The following SYNJ1 variants were observed in gnomAD, a reference collection of about 807,000 sequenced individuals.
The protein encoded by SYNJ1 is synaptojanin 1.
A neutral mutation model predicts 168.2 loss-of-function variants in SYNJ1; 78 were observed. The observed-to-expected ratio is 0.46, with a 90% CI of 0.39 to 0.56. The LOEUF (loss-of-function observed/expected upper bound fraction) is 0.56, where lower values mean the gene tolerates loss of function less well. Among genes scored for constraint, SYNJ1 ranks in the 20% least tolerant of loss-of-function variants. SYNJ1 has a pLI of 0.00. For missense variants in SYNJ1, 1,303 were observed against 1,597.6 expected (o/e 0.82, Z 3.14); for synonymous variants, 539 against 548.6 (o/e 0.98, Z 0.24).
chr21:32,667,553 T>C (rs1255720071), intron 15 of SYNJ1, among the ~76,000 whole-genome samples: 1 of 152,140 alleles, frequency 6.6e-6, no homozygotes, highest in Non-Finnish European at 1.5e-5. Flanking sequence ...ACATATTGCA[T>C]TTGCTTGTCA....
At chr21:32,641,469 A>G (rs28449995) in intron 29 of SYNJ1, among the ~76,000 whole-genome samples, 12,222 of 152,236 alleles carry the variant, frequency 0.08, 635 homozygotes, top group South Asian at 0.16. Flanking sequence ...AAAAAAACCA[A>G]AAAGAGAAAA....
chr21:32,658,064 C>A (rs926981833), intron 18 of SYNJ1, among the ~76,000 whole-genome samples, 192 bp from the exon 19 acceptor site: 2 of 152,066 alleles, frequency 1.3e-5, no homozygotes, highest in Non-Finnish European at 2.9e-5. Flanking sequence ...TTTTTCATAC[C>A]CATAGGGACA....
Position 32,670,364 on chromosome 21 carries a change from TTCTTTTA to T in SYNJ1, c.1728_1734del (p.Asp576GlufsTer16). ...ATTGCAAATATATCAGTTGGCTTACTTCTTTTATCTAAAATTAAGCATCCAAGAAATA... is the reference window on the plus strand; with the variant it reads ...ATTGCAAATATATCAGTTGGCTTACTTCTAAAATTAAGCATCCAAGAAATA... On this transcript the variant is annotated frameshift_variant and splice_region_variant, in exon 15 of 33. Coordinates refer to ENST00000674351, the MANE Select transcript of SYNJ1 (RefSeq NM_203446.3). LOFTEE classifies it high-confidence loss of function. 6.2e-7 allele frequency: 1 copy of T among 1,612,498 alleles called. No individual in the cohort carries two copies. The highest frequency in any genetic ancestry group is 8.5e-7 in the Non-Finnish European group (1 of 1,179,112).
intron 22 of SYNJ1, among the ~76,000 whole-genome samples, chr21:32,651,860 T>C (rs1047960513): frequency 1.3e-5 from 2 of 152,222 alleles, no homozygotes; most frequent in African/African-American, 4.8e-5. Context: ...AATGAAGCCA[T>C]TAAAAATGAC....
Position 32,631,415 on chromosome 21 carries a change from C to T in SYNJ1, c.*390G>A, listed in dbSNP as rs769253550. The T allele has an allele frequency of 2.5e-6, 4 of 1,614,198 alleles. No individual in the cohort carries two copies. Among genetic ancestry groups the T allele is most frequent in the Non-Finnish European group, 3.4e-6 (4 of 1,180,028 alleles). The stretch of plus-strand genomic sequence containing the variant: ...AAGGGAAAGGACTGATAGTAACGGG[C>T]TCTTCTTTGGAGAACCATGAAGTTG... On this transcript the variant is annotated 3_prime_UTR_variant, in exon 33 of 33. Coordinates refer to ENST00000674351, the MANE Select transcript of SYNJ1 (RefSeq NM_203446.3).
Position 32,717,696 on chromosome 21 carries a change from G to A in SYNJ1, c.124+9076C>T, listed in dbSNP as rs541912336. Among the ~76,000 whole-genome samples the A allele has an allele frequency of 7.2e-5, 11 of 152,230 alleles. No individual in the cohort carries two copies. The East Asian group carries it at 2.1e-3, about 29-fold the overall frequency. On this transcript the variant is annotated intron_variant, in intron 2 of 32. Coordinates refer to ENST00000674351, the MANE Select transcript of SYNJ1 (RefSeq NM_203446.3). ...AAATTTTTCTGCCTACTCCTTTTTG[G>A]TGATTCTTTCCCTGCCTCAAATGGT...
intron 2 of SYNJ1, among the ~76,000 whole-genome samples, chr21:32,709,637 C>T (rs1402992399): frequency 6.6e-6 from 1 of 151,328 alleles, no homozygotes; most frequent in Non-Finnish European, 1.5e-5. Flanking sequence ...CCTGCCTCAG[C>T]CTCTCGAGTA....
At chr21:32,683,158 G>GT (rs574134982) in intron 10 of SYNJ1, among the ~76,000 whole-genome samples, 310 of 152,066 alleles carry the variant, frequency 2.0e-3, no homozygotes, top group African/African-American at 7.1e-3. Flanking sequence ...TCCTATTGCT[G>GT]TTTTTTTATA....
Position 32,656,883 on chromosome 21 carries a change from C to A in SYNJ1, c.2599G>T (p.Asp867Tyr), listed in dbSNP as rs777868977. 6.2e-7 allele frequency: 1 copy of A among 1,614,108 alleles called. No homozygotes were observed. The highest frequency in any genetic ancestry group is 1.1e-5 in the South Asian group (1 of 91,082). Residue 867 changes from aspartate (D) to tyrosine (Y), a missense_variant, in exon 21 of 33, where the codon GAT (aspartate) becomes TAT (tyrosine). This residue lies in a region of SYNJ1 where 920 missense variants were observed against 1,208.8 expected (regional missense o/e 0.76). Transcript: ENST00000674351. ...SDHRPVVALI[D>Y]IDIFEVEAEE... Reference sequence around the variant, plus strand: ...GCTTCAACTTCAAATATATCTATATCAATCAGGGCAACGACAGGCCTTAAG... The same window carrying A: ...GCTTCAACTTCAAATATATCTATATAAATCAGGGCAACGACAGGCCTTAAG...
intron 22 of SYNJ1, among the ~76,000 whole-genome samples, 193 bp downstream of exon 22, chr21:32,653,095 G>C (rs529148505): frequency 6.6e-6 from 1 of 152,248 alleles, no homozygotes; most frequent in South Asian, 2.1e-4. Context: ...TAATATCTCT[G>C]GGGAGGGGCC....
Position 32,727,930 on chromosome 21 carries a change from C to G in SYNJ1, c.-23+16G>C, listed in dbSNP as rs905741954. Reference sequence around the variant, plus strand: ...TCTGGCCGCAGCAGCTCCCCGCCCCCCGCCGGCTTGCTCACCTCTTCCTCC... The same window carrying G: ...TCTGGCCGCAGCAGCTCCCCGCCCCGCGCCGGCTTGCTCACCTCTTCCTCC... On this transcript the variant is annotated intron_variant, in intron 1 of 32. Transcript: ENST00000674351. The G allele has an allele frequency of 4.2e-5, 65 of 1,532,212 alleles. No homozygotes were observed. The highest frequency in any genetic ancestry group is 7.9e-5 in the Admixed American group (4 of 50,910). The allele number at this position is 1,532,212 out of a possible 1,614,324, so 94.9% of individuals were successfully genotyped here.
Position 32,699,915 on chromosome 21 carries a change from T to C in SYNJ1, c.402A>G (p.Ala134=). 6.2e-7 allele frequency: 1 copy of C among 1,614,186 alleles called. No individual in the cohort carries two copies. Among genetic ancestry groups the C allele is most frequent in the South Asian group, 1.1e-5 (1 of 91,082 alleles). ...GACTCAAATCTAAACTGATGCCAGA[T>C]GCAGACCATGCAAAATAAAAGTTTC... The part of the protein sequence containing the change: ...NSGNFYFAWS[A]SGISLDLSLN... The change falls in exon 4 of 33, where the codon GCA becomes GCG. Residue 134 remains alanine (A), a synonymous_variant. Transcript: ENST00000674351.
chr21:32,644,864 A>AATTT, intron 26 of SYNJ1, 104 bp downstream of exon 26: 2 of 1,270,426 alleles, frequency 1.6e-6, no homozygotes, highest in South Asian at 2.8e-5. Context: ...TTTAAACTAG[A>AATTT]ATGTCATTCA....
At position 32,723,664 on chromosome 21, in the gene SYNJ1, G is replaced by A. The variant is rs540116771; in HGVS notation, c.124+3108C>T. ...AAGCCCCCTATCTACAAAAAAATAC[G>A]AAAAAAATTATCTGGGCATAGTCGT... On this transcript the variant is annotated intron_variant, in intron 2 of 32. Transcript: ENST00000674351. 3.8e-4 allele frequency among the ~76,000 whole-genome samples: 58 copies of A among 152,070 alleles called. No individual in the cohort carries two copies. In the South Asian group the frequency reaches 0.011, roughly 29 times the overall value.
chr21:32,709,713 TCAC>T (rs1249338245), intron 2 of SYNJ1, among the ~76,000 whole-genome samples: 2 of 151,672 alleles, frequency 1.3e-5, no homozygotes, highest in African/African-American at 4.8e-5. Context: ...AGATGGGGTT[TCAC>T]CATTTTGGCT....
In SYNJ1 at chr21:32,726,818, A is replaced by C; in HGVS notation, c.78T>G (p.His26Gln). The C allele has an allele frequency of 6.2e-7, 1 of 1,614,192 alleles. No individual in the cohort carries two copies. Among genetic ancestry groups the C allele is most frequent in the Non-Finnish European group, 8.5e-7 (1 of 1,180,038 alleles). The change falls in exon 2 of 33, where the codon CAT (histidine) becomes CAG (glutamine). Residue 26 changes from histidine (H) to glutamine (Q), a missense_variant. Around this residue, in one of 2 missense-constraint regions of SYNJ1, gnomAD observed 920 missense variants for 1,208.8 expected, o/e 0.76. Transcript: ENST00000674351. ...PPFSLIVETR[H>Q]KEECLMFESG... ...ACTCGAACATGAGACATTCTTCCTTATGCCTAGTTTCCACTATGAGGCTGA... is the reference window on the plus strand; with the variant it reads ...ACTCGAACATGAGACATTCTTCCTTCTGCCTAGTTTCCACTATGAGGCTGA...
chr21:32,684,153 A>T, intron 9 of SYNJ1, 34 bp from the exon 10 acceptor site: 4 of 1,596,046 alleles, frequency 2.5e-6, no homozygotes, highest in Non-Finnish European at 3.4e-6. Context: ...CCAGTTTGGA[A>T]CAAAAATAAA....
intron 30 of SYNJ1, 38 bp downstream of exon 30, chr21:32,639,633 A>C: frequency 6.4e-7 from 1 of 1,567,340 alleles, no homozygotes; most frequent in Non-Finnish European, 8.8e-7. Context: ...TCTGGGCTCA[A>C]GTGATCCTCC....
At chr21:32,706,316 T>C (rs2042607122) in intron 2 of SYNJ1, among the ~76,000 whole-genome samples, 2 of 152,092 alleles carry the variant, frequency 1.3e-5, no homozygotes, top group African/African-American at 4.8e-5. Context: ...GTTGGGGCAA[T>C]TGGTAAAAAT....
Sources: allele counts gnomAD v4.1 joint callset (sites outside exome capture counted in the v4.1 genomes callset), GRCh38; gene constraint gnomAD v4.1.1; regional missense constraint gnomAD v4.1.1; transcripts MANE v1.5; gene names NCBI Gene and HGNC (gene_info 2026-07-23, HGNC 2026-07-21).